The following ANKRD36B variants were observed in gnomAD, a reference collection of about 807,000 sequenced individuals.
The protein encoded by ANKRD36B is ankyrin repeat domain 36B, also known as ankyrin repeat domain-containing protein 36B.
Under a neutral mutation model 135.7 loss-of-function variants are expected in ANKRD36B, and 37 were observed. The ratio of observed to expected loss-of-function variants is 0.27; its 90% CI spans 0.21 to 0.36. The LOEUF is 0.36. Ranked by LOEUF, ANKRD36B falls within the 10% of genes least tolerant of loss-of-function variation. The probability of loss-of-function intolerance (pLI) is 1.00; values close to 1 mark genes in which losing one functional copy is unlikely to be tolerated. For synonymous variants in ANKRD36B, 179 were observed against 348.1 expected (o/e 0.51, Z 5.41); for missense variants, 549 against 1,037.1 (o/e 0.53, Z 6.46).
chr2:97,586,054 A>G (rs1329728687), intron 1 of ANKRD36B, among the ~76,000 whole-genome samples: 1 of 152,242 alleles, frequency 6.6e-6, no homozygotes, highest in African/African-American at 2.4e-5. Flanking sequence ...GTAATGTGGC[A>G]TCACCCAATC....
At chr2:97,546,195 T>C (rs905530975) in intron 22 of ANKRD36B, among the ~76,000 whole-genome samples, 2 of 151,742 alleles carry the variant, frequency 1.3e-5, no homozygotes, top group East Asian at 3.9e-4. Flanking sequence ...CACGTGAGAA[T>C]CAATGTCAAA....
intron 1 of ANKRD36B, among the ~76,000 whole-genome samples, chr2:97,587,593 T>C (rs1343061370): frequency 6.6e-6 from 1 of 152,212 alleles, no homozygotes; most frequent in Non-Finnish European, 1.5e-5. Context: ...GTTTTCCAAA[T>C]ACACTGCTAT....
chr2:97,547,725 A>C lies in ANKRD36B; in HGVS notation c.1484T>G (p.Phe495Cys). ...TACCTTCAAGCCTGGTGGTTGCTCAAAAGACACTGAAAAGTAAAAGGGATT... is the reference window on the plus strand; with the variant it reads ...TACCTTCAAGCCTGGTGGTTGCTCACAAGACACTGAAAAGTAAAAGGGATT... ...KDGEKSRTVS[F>C]EQPPGLKATR... Residue 495 changes from phenylalanine to cysteine, a missense_variant, in exon 21 of 44, where the codon TTT becomes TGT. By Grantham distance (205) the Phe-to-Cys change is radical (BLOSUM62 -2). Coordinates refer to ENST00000359901, the MANE Select transcript of ANKRD36B (RefSeq NM_001393939.1). 1 of 1,557,812 alleles carries C rather than the reference A, an allele frequency of 6.4e-7. No homozygotes were observed. Among genetic ancestry groups the C allele is most frequent in the African/African-American group, 1.4e-5 (1 of 73,496 alleles).
At chr2:97,572,448 ATTTAAAATTTAAAAAAATTTAAAAG>A (rs2081946346) in intron 6 of ANKRD36B, among the ~76,000 whole-genome samples, 1 of 68,590 alleles carries the variant, frequency 1.5e-5, no homozygotes, top group Non-Finnish European at 4.2e-5. Flanking sequence ...AGAATTTAAA[ATTTAAAATTTAAAAAAATTTAAAAG>A]ACACCTTAAG....
rs781258147 is a variant in ANKRD36B at position 97,547,564 on chromosome 2, T to C, written c.1551A>G (p.Gly517=). Residue 517 remains glycine (G), a synonymous_variant, in exon 22 of 44, where the codon GGA becomes GGG. Transcript: ENST00000359901. ...EKDSLLNIAR[G]KKDGEKTRRV... The stretch of plus-strand genomic sequence containing the variant: ...TCCTAGTTTTTTCTCCATCTTTTTT[T>C]CCTCTGGCTATATTCAAAAGAGAAT... The C allele has an allele frequency of 1.9e-6, 3 of 1,552,442 alleles. No homozygotes were observed. Among genetic ancestry groups the C allele is most frequent in the East Asian group, 2.3e-5 (1 of 43,978 alleles).
At chr2:97,560,980 C>T (rs2080977052) in intron 6 of ANKRD36B, 120 bp from the exon 7 acceptor site, 1 of 840,610 alleles carries the variant, frequency 1.2e-6, no homozygotes, top group Non-Finnish European at 1.8e-6. Flanking sequence ...TTACTGTAGG[C>T]TTTGATATTT....
In ANKRD36B at chr2:97,530,680, A is replaced by G. The variant is rs1292632742; in HGVS notation, c.2265+1631T>C. 2.1e-5 allele frequency among the ~76,000 whole-genome samples: 2 copies of G among 96,570 alleles called. 1 individual carries two copies. Among genetic ancestry groups the G allele is most frequent in the African/African-American group, 6.2e-5 (2 of 32,182 alleles). The allele number at this position is 96,570 out of a possible 152,430, so 63.4% of individuals were successfully genotyped here. ...ATCTGACAAAGGGCTAATATCCAGAATCTACAAAGAACTCAAACAAATTTA... is the reference window on the plus strand; with the variant it reads ...ATCTGACAAAGGGCTAATATCCAGAGTCTACAAAGAACTCAAACAAATTTA... On this transcript the variant is annotated intron_variant, in intron 35 of 43. Coordinates refer to ENST00000359901, the MANE Select transcript of ANKRD36B (RefSeq NM_001393939.1).
chr2:97,585,462 C>T (rs2104365140), intron 1 of ANKRD36B, 64 bp from the exon 2 acceptor site: 1 of 1,506,648 alleles, frequency 6.6e-7, no homozygotes, highest in South Asian at 1.3e-5. Context: ...TGTTATTTCT[C>T]TGTCTTCAAA....
chr2:97,562,351 G>C lies in ANKRD36B; in HGVS notation c.764-1491C>G, dbSNP rs559724701. Among the ~76,000 whole-genome samples, 3 of 151,798 alleles carry C rather than the reference G, an allele frequency of 2.0e-5. No homozygotes were observed. The East Asian group carries it at 5.8e-4, about 29-fold the overall frequency. On this transcript the variant is annotated intron_variant, in intron 6 of 43. Coordinates refer to ENST00000359901, the MANE Select transcript of ANKRD36B (RefSeq NM_001393939.1). ...TTTTTTTTAAAATCTAGTTTCACATGATATACCATCAGGGTCTCTCAGGTT... is the reference window on the plus strand; with the variant it reads ...TTTTTTTTAAAATCTAGTTTCACATCATATACCATCAGGGTCTCTCAGGTT...
chr2:97,577,037 T>G (rs2442282), intron 5 of ANKRD36B, among the ~76,000 whole-genome samples: 2 of 152,080 alleles, frequency 1.3e-5, no homozygotes, highest in Non-Finnish European at 2.9e-5. Context: ...TATAATTCAG[T>G]GTATCTCAAC....
Position 97,585,233 on chromosome 2 carries a change from A to T in ANKRD36B, c.276+51T>A, listed in dbSNP as rs533616921. ...CAATGAGATAAATTCATTTTATCCT[A>T]TGTACTTCAACCAAATCCATCTCAT... On this transcript the variant is annotated intron_variant, in intron 2 of 43. Coordinates refer to ENST00000359901, the MANE Select transcript of ANKRD36B (RefSeq NM_001393939.1). 3.2e-6 allele frequency: 5 copies of T among 1,563,004 alleles called. No homozygotes were observed. In the African/African-American group the frequency reaches 4.1e-5, roughly 13 times the overall value.
intron 10 of ANKRD36B, among the ~76,000 whole-genome samples, chr2:97,557,780 T>C (rs2080661571): frequency 6.6e-6 from 1 of 151,866 alleles, no homozygotes; most frequent in Admixed American, 6.6e-5. Flanking sequence ...GAAAGGTTCT[T>C]CATCCACTCG....
chr2:97,579,823 A>ATT (rs1430021259), intron 4 of ANKRD36B, among the ~76,000 whole-genome samples: 21 of 152,028 alleles, frequency 1.4e-4, no homozygotes, highest in Non-Finnish European at 2.4e-4. Flanking sequence ...ACATTCTAAC[A>ATT]TTATATATAT....
rs2442238 is a variant in ANKRD36B at position 97,540,737 on chromosome 2, A to G, written c.1886-508T>C. On this transcript the variant is annotated intron_variant, in intron 28 of 43. Coordinates refer to ENST00000359901, the MANE Select transcript of ANKRD36B (RefSeq NM_001393939.1). Reference sequence around the variant, plus strand: ...AATGTACACTTCACGTCTCTTCAGTAGAAGTGTCCTAAATTGATCACCTTG... The same window carrying G: ...AATGTACACTTCACGTCTCTTCAGTGGAAGTGTCCTAAATTGATCACCTTG... Among the ~76,000 whole-genome samples the G allele has an allele frequency of 6.2e-5, 6 of 96,946 alleles. 2 individuals carry two copies. In the South Asian group the frequency reaches 7.0e-4, roughly 11 times the overall value. 63.6% of individuals were successfully genotyped at this position (96,946 alleles called of 152,430 possible). A position where few individuals can be genotyped will look rare whatever the true frequency, so the allele number is the denominator to read the frequency against.
At chr2:97,568,011 T>C (rs535242960) in intron 6 of ANKRD36B, among the ~76,000 whole-genome samples, 34 of 152,312 alleles carry the variant, frequency 2.2e-4, no homozygotes, top group South Asian at 8.3e-4. Flanking sequence ...AGGGTGACTA[T>C]AGTACATGAT....
intron 3 of ANKRD36B, among the ~76,000 whole-genome samples, chr2:97,581,914 T>C (rs2082660695): frequency 6.6e-6 from 1 of 151,684 alleles, no homozygotes; most frequent in Non-Finnish European, 1.5e-5. Context: ...GCACGAGAAA[T>C]TCTCCTGCCT....
intron 37 of ANKRD36B, among the ~76,000 whole-genome samples, chr2:97,514,053 A>G (rs1402356004): frequency 7.4e-6 from 1 of 135,044 alleles, no homozygotes; most frequent in Non-Finnish European, 1.5e-5. Context: ...ACATGTTCTC[A>G]GGACCTCCTG....
intron 6 of ANKRD36B, among the ~76,000 whole-genome samples, chr2:97,566,843 A>G (rs1328487458): frequency 1.3e-5 from 2 of 152,076 alleles, no homozygotes; most frequent in African/African-American, 4.8e-5. Flanking sequence ...CTGTGACCAA[A>G]TATGTATTTT....
At chr2:97,554,717 GT>G (rs1293859497) in intron 14 of ANKRD36B, among the ~76,000 whole-genome samples, 1 of 151,918 alleles carries the variant, frequency 6.6e-6, no homozygotes, top group Non-Finnish European at 1.5e-5. Flanking sequence ...TGTGACGTTT[GT>G]AAAATCTATA....
Sources: allele counts gnomAD v4.1 joint callset (sites outside exome capture counted in the v4.1 genomes callset), GRCh38; gene constraint gnomAD v4.1.1; transcripts MANE v1.5; gene names NCBI Gene and HGNC (gene_info 2026-07-23, HGNC 2026-07-21).